Variants in CSTPP1 observed in about 807,000 individuals in gnomAD.
The protein encoded by CSTPP1 is centriolar satellite-associated tubulin polyglutamylase complex regulator 1, also known as UPF0705 protein C11orf49.
At chr11:47,118,779 C>T in the CSTPP1 span, among the ~76,000 whole-genome samples, 2 of 152,222 alleles carry the variant, frequency 1.3e-5, no homozygotes, top group African/African-American at 2.4e-5. Flanking sequence ...GTATCACCAG[C>T]GGAGGCTGCA....
At chr11:46,986,045 A>G in the CSTPP1 span, among the ~76,000 whole-genome samples, 224 of 152,332 alleles carry the variant, frequency 1.5e-3, no homozygotes, top group African/African-American at 5.2e-3. Flanking sequence ...GTGCCAGACT[A>G]TAAATCTGCG....
At chr11:46,989,370 C>T in the CSTPP1 span, among the ~76,000 whole-genome samples, 1 of 151,836 alleles carries the variant, frequency 6.6e-6, no homozygotes, top group Non-Finnish European at 1.5e-5. Context: ...CATCATGGCT[C>T]ATTGTAGCCT....
At chr11:46,936,767 G>A in the CSTPP1 span, 4 of 1,608,374 alleles carry the variant, frequency 2.5e-6, no homozygotes, top group East Asian at 6.8e-5. Flanking sequence ...GGTTCCGGAA[G>A]CCGGAGAGCT....
At chr11:46,939,271 G>C in the CSTPP1 span, among the ~76,000 whole-genome samples, 1 of 151,442 alleles carries the variant, frequency 6.6e-6, no homozygotes, top group East Asian at 2.0e-4. Context: ...TGTATTTTTA[G>C]TAGAGATGGG....
At chr11:47,084,379 T>C in the CSTPP1 span, among the ~76,000 whole-genome samples, 12 of 152,330 alleles carry the variant, frequency 7.9e-5, no homozygotes, top group East Asian at 2.1e-3. Flanking sequence ...ATGTCTTTTA[T>C]TGAGCAGAAG....
the CSTPP1 span, among the ~76,000 whole-genome samples, chr11:47,020,779 A>C: frequency 1.2e-4 from 18 of 152,170 alleles, no homozygotes; most frequent in African/African-American, 3.6e-4. Flanking sequence ...TGGATTGAAG[A>C]TCCTCCAGAA....
the CSTPP1 span, among the ~76,000 whole-genome samples, chr11:47,058,768 GA>G: frequency 1.3e-5 from 2 of 152,182 alleles, no homozygotes; most frequent in African/African-American, 4.8e-5. Context: ...CCCAGTCAAT[GA>G]AAAAGCCAAT....
At chr11:46,988,747 A>G in the CSTPP1 span, among the ~76,000 whole-genome samples, 5 of 152,198 alleles carry the variant, frequency 3.3e-5, no homozygotes, top group African/African-American at 1.2e-4. Context: ...CACAAAGGAA[A>G]AATGCTTGAT....
the CSTPP1 span, among the ~76,000 whole-genome samples, chr11:46,943,594 G>C: frequency 6.6e-6 from 1 of 152,216 alleles, no homozygotes; most frequent in South Asian, 2.1e-4. Context: ...ATCTCTCAGA[G>C]GCAGGCAGTG....
At chr11:47,041,329 G>A in the CSTPP1 span, 10 of 249,072 alleles carry the variant, frequency 4.0e-5, no homozygotes, top group Admixed American at 3.8e-4. Context: ...GGATATATTC[G>A]CAGATGATAC....
chr11:47,090,472 A>G, the CSTPP1 span, among the ~76,000 whole-genome samples: 1 of 152,190 alleles, frequency 6.6e-6, no homozygotes, highest in Admixed American at 6.5e-5. Context: ...AGATGGAAAA[A>G]AAAACAGTTT....
chr11:47,161,352 C>G, the CSTPP1 span: 85 of 1,585,838 alleles, frequency 5.4e-5, no homozygotes, highest in Non-Finnish European at 6.9e-5. Flanking sequence ...CCCTCTGAGT[C>G]CTTTGGGGGC....
At chr11:46,986,516 A>G in the CSTPP1 span, among the ~76,000 whole-genome samples, 29 of 151,306 alleles carry the variant, frequency 1.9e-4, no homozygotes, top group Middle Eastern at 3.4e-3. Context: ...CTGGAGTGCA[A>G]TGGCATGATC....
the CSTPP1 span, among the ~76,000 whole-genome samples, chr11:47,064,244 A>T: frequency 2.0e-5 from 3 of 150,546 alleles, no homozygotes; most frequent in Non-Finnish European, 4.4e-5. Flanking sequence ...TGATTTGCAA[A>T]TTTTTTTTCT....
At chr11:47,157,206 G>C in the CSTPP1 span, 7 of 1,589,670 alleles carry the variant, frequency 4.4e-6, no homozygotes, top group African/African-American at 1.3e-5. Flanking sequence ...CTGTGTGATC[G>C]GCACAAGTAC....
At chr11:47,059,081 C>CT in the CSTPP1 span, among the ~76,000 whole-genome samples, 1 of 152,166 alleles carries the variant, frequency 6.6e-6, no homozygotes, top group Non-Finnish European at 1.5e-5. Flanking sequence ...CCTCAGCAAA[C>CT]TAACACAGGA....
At chr11:47,115,291 C>CT in the CSTPP1 span, among the ~76,000 whole-genome samples, 1 of 152,076 alleles carries the variant, frequency 6.6e-6, no homozygotes, top group Non-Finnish European at 1.5e-5. Context: ...CTAAAATTCT[C>CT]TTTTTTTGTT....
the CSTPP1 span, among the ~76,000 whole-genome samples, chr11:47,075,729 G>A: frequency 2.6e-5 from 4 of 151,884 alleles, no homozygotes; most frequent in South Asian, 6.2e-4. Flanking sequence ...GACCAGCCTG[G>A]CCAGGGTGGT....
the CSTPP1 span, among the ~76,000 whole-genome samples, chr11:47,093,798 A>G: frequency 1.3e-5 from 2 of 152,234 alleles, no homozygotes; most frequent in African/African-American, 4.8e-5. Flanking sequence ...GAATTGTCTC[A>G]CATGGTGCCT....
Sources: allele counts gnomAD v4.1 joint callset (sites outside exome capture counted in the v4.1 genomes callset), GRCh38; gene constraint gnomAD v4.1.1; transcripts MANE v1.5; gene names NCBI Gene and HGNC (gene_info 2026-07-23, HGNC 2026-07-21).